LPAR3: variants seen among roughly 807,000 people sequenced by gnomAD.
The protein encoded by LPAR3 is LPA receptor 3.
LPAR3 carries 7 observed loss-of-function variants against 17.8 expected under a neutral mutation model. The observed-to-expected ratio is 0.39, with a 90% CI of 0.22 to 0.74. The LOEUF (loss-of-function observed/expected upper bound fraction) is 0.74. LPAR3 is among the 30% of genes least tolerant of loss of function. The probability of loss-of-function intolerance (pLI) is 0.40; values close to 1 mark genes in which losing one functional copy is unlikely to be tolerated. For missense variants in LPAR3, 391 were observed against 453.4 expected (o/e 0.86, Z 1.25); for synonymous variants, 179 against 179.9 (o/e 0.99, Z 0.04).
intron 1 of LPAR3, among the ~76,000 whole-genome samples, chr1:84,869,920 T>C (rs1391838958): frequency 6.6e-6 from 1 of 152,230 alleles, no homozygotes; most frequent in African/African-American, 2.4e-5. Flanking sequence ...TAACCAAAAC[T>C]TGACTTGCAA....
At chr1:84,870,640 G>C (rs993513143) in intron 1 of LPAR3, among the ~76,000 whole-genome samples, 1 of 152,094 alleles carries the variant, frequency 6.6e-6, no homozygotes, top group African/African-American at 2.4e-5. Context: ...GCTGAACTAA[G>C]CATTTTACAT....
intron 1 of LPAR3, among the ~76,000 whole-genome samples, chr1:84,873,702 T>A (rs1389938172): frequency 6.6e-6 from 1 of 152,024 alleles, no homozygotes; most frequent in East Asian, 1.9e-4. Flanking sequence ...TGCTAAAGTT[T>A]GGGTTTGGTT....
chr1:84,833,541 T>C (rs904702780), intron 2 of LPAR3, among the ~76,000 whole-genome samples: 2 of 152,168 alleles, frequency 1.3e-5, no homozygotes, highest in African/African-American at 4.8e-5. Flanking sequence ...AAAGGCCTCG[T>C]GGGGTCTGAT....
chr1:84,892,454 T>TG (rs1660570805), intron 1 of LPAR3, among the ~76,000 whole-genome samples: 1 of 152,132 alleles, frequency 6.6e-6, no homozygotes, highest in Non-Finnish European at 1.5e-5. Context: ...TGTCTCGTGG[T>TG]GGTGAGGGGG....
intron 2 of LPAR3, among the ~76,000 whole-genome samples, chr1:84,857,772 G>C (rs1659856231): frequency 6.6e-6 from 1 of 152,152 alleles, no homozygotes; most frequent in Non-Finnish European, 1.5e-5. Flanking sequence ...CAGTCTCCTG[G>C]GGTTGGAATC....
chr1:84,851,604 G>C (rs1481692231), intron 2 of LPAR3, among the ~76,000 whole-genome samples: 2 of 152,184 alleles, frequency 1.3e-5, no homozygotes, highest in African/African-American at 4.8e-5. Context: ...ACTCTGCCTT[G>C]GGGAGTCAGA....
chr1:84,856,045 T>C (rs778801997), intron 2 of LPAR3, among the ~76,000 whole-genome samples: 1 of 152,222 alleles, frequency 6.6e-6, no homozygotes, highest in South Asian at 2.1e-4. Context: ...GGAAGGGATG[T>C]GTCAAACAGC....
chr1:84,869,389 G>T (rs985188333), intron 1 of LPAR3, among the ~76,000 whole-genome samples: 2 of 152,108 alleles, frequency 1.3e-5, no homozygotes, highest in Non-Finnish European at 2.9e-5. Context: ...CCTGGTTCCA[G>T]ATCCTACTTT....
At chr1:84,824,895 C>T (rs1292524577) in intron 2 of LPAR3, among the ~76,000 whole-genome samples, 3 of 152,186 alleles carry the variant, frequency 2.0e-5, no homozygotes, top group East Asian at 3.8e-4. Flanking sequence ...CTCTTTTGTG[C>T]CTTATTCAAC....
At chr1:84,859,086 C>T (rs191196069) in intron 2 of LPAR3, among the ~76,000 whole-genome samples, 218 of 152,208 alleles carry the variant, frequency 1.4e-3, no homozygotes, top group Non-Finnish European at 2.7e-3. Context: ...GCAGGAAAAT[C>T]GGATAATAAT....
At chr1:84,885,297 G>A (rs1244170477) in intron 1 of LPAR3, among the ~76,000 whole-genome samples, 2 of 152,218 alleles carry the variant, frequency 1.3e-5, no homozygotes, top group Non-Finnish European at 2.9e-5. Flanking sequence ...ACAGGGTTAA[G>A]TGTGGCAGAG....
At chr1:84,889,152 T>G (rs1354277082) in intron 1 of LPAR3, among the ~76,000 whole-genome samples, 1 of 151,648 alleles carries the variant, frequency 6.6e-6, no homozygotes, top group East Asian at 1.9e-4. Flanking sequence ...AAGAGAGGGG[T>G]GGGTATAACC....
chr1:84,854,838 G>T (rs2102760508), intron 2 of LPAR3, among the ~76,000 whole-genome samples: 1 of 152,350 alleles, frequency 6.6e-6, no homozygotes, highest in African/African-American at 2.4e-5. Context: ...GCCAAGGCAA[G>T]AAGTTGGGAC....
At chr1:84,831,780 C>A (rs1311112650) in intron 2 of LPAR3, among the ~76,000 whole-genome samples, 4 of 150,524 alleles carry the variant, frequency 2.7e-5, no homozygotes, top group Admixed American at 2.7e-4. Context: ...TAGAGGAGAA[C>A]CCCTAGCTGC....
At chr1:84,826,248 A>C (rs1229863481) in intron 2 of LPAR3, among the ~76,000 whole-genome samples, 1 of 151,884 alleles carries the variant, frequency 6.6e-6, no homozygotes, top group Non-Finnish European at 1.5e-5. Flanking sequence ...AGATAGTCTG[A>C]AGAATTTCAC....
At position 84,820,251 on chromosome 1, in the gene LPAR3, T is replaced by C. The variant is rs369533141; in HGVS notation, c.737-6080A>G. 2.4e-4 allele frequency among the ~76,000 whole-genome samples: 37 copies of C among 152,358 alleles called. 1 individual carries two copies. Among genetic ancestry groups the C allele is most frequent in the African/African-American group, 8.7e-4 (36 of 41,578 alleles). On this transcript the variant is annotated intron_variant, in intron 2 of 2. Coordinates refer to ENST00000370611, the MANE Select transcript of LPAR3 (RefSeq NM_012152.3). Reference sequence around the variant, plus strand: ...ATACATACGTCTTGTGTCTCAGGTGTGTTCTAAGCTCCCTAAGCAGGTATG... The same window carrying C: ...ATACATACGTCTTGTGTCTCAGGTGCGTTCTAAGCTCCCTAAGCAGGTATG...
At chr1:84,870,533 C>T (rs749655120) in intron 1 of LPAR3, among the ~76,000 whole-genome samples, 65 of 152,294 alleles carry the variant, frequency 4.3e-4, no homozygotes, top group South Asian at 6.2e-4. Context: ...AGCTCTGTCA[C>T]CTATTAACTA....
At chr1:84,886,763 G>A (rs1384521814) in intron 1 of LPAR3, among the ~76,000 whole-genome samples, 1 of 152,014 alleles carries the variant, frequency 6.6e-6, no homozygotes, top group African/African-American at 2.4e-5. Flanking sequence ...TACTAAAAGG[G>A]AGGCCTAACT....
intron 2 of LPAR3, among the ~76,000 whole-genome samples, chr1:84,851,705 G>A (rs762452995): frequency 2.6e-5 from 4 of 152,206 alleles, no homozygotes; most frequent in African/African-American, 7.2e-5. Context: ...AGGAGCCTCA[G>A]GCAGTCACTG....
Sources: gnomAD v4.1 joint callset for allele counts (sites outside exome capture counted in the v4.1 genomes callset) on GRCh38, gnomAD v4.1.1 for gene constraint, MANE v1.5 for transcripts, NCBI Gene and HGNC (gene_info 2026-07-23, HGNC 2026-07-21) for gene names.